The following STAU2 variants were observed in gnomAD, a reference collection of about 807,000 sequenced individuals.
STAU2 encodes staufen double-stranded RNA binding protein 2.
Under a neutral mutation model 65.9 loss-of-function variants are expected in STAU2, and 20 were observed. That is an observed-to-expected ratio of 0.30 (90% CI 0.21 to 0.44). The LOEUF (loss-of-function observed/expected upper bound fraction) is 0.44. STAU2 is among the 20% of genes least tolerant of loss of function. The probability of loss-of-function intolerance (pLI) is 1.00; values close to 1 mark genes in which losing one functional copy is unlikely to be tolerated. For synonymous variants in STAU2, 232 were observed against 233.9 expected (o/e 0.99, Z 0.07); for missense variants, 558 against 683.9 (o/e 0.82, Z 2.05).
chr8:73,713,809 T>C (rs1224170661), intron 3 of STAU2, among the ~76,000 whole-genome samples: 1 of 152,208 alleles, frequency 6.6e-6, no homozygotes, highest in Non-Finnish European at 1.5e-5. Context: ...GCCAGAACTG[T>C]TGCTACTAAG....
intron 13 of STAU2, among the ~76,000 whole-genome samples, chr8:73,487,045 CT>C (rs1419576735): frequency 2.6e-5 from 4 of 152,076 alleles, no homozygotes; most frequent in African/African-American, 9.7e-5. Flanking sequence ...TATTTCAAAA[CT>C]TCCCTTTCTC....
chr8:73,638,437 A>G (rs1047230064), intron 6 of STAU2, among the ~76,000 whole-genome samples: 14 of 151,808 alleles, frequency 9.2e-5, no homozygotes, highest in African/African-American at 3.1e-4. Flanking sequence ...TTTTTAAATC[A>G]ATTTTTTACT....
intron 14 of STAU2, among the ~76,000 whole-genome samples, chr8:73,421,807 T>C (rs1428359222): frequency 6.6e-6 from 1 of 152,224 alleles, no homozygotes; most frequent in East Asian, 1.9e-4. Flanking sequence ...GTAAGATCAG[T>C]GTATCTGGTT....
chr8:73,714,603 G>C (rs1180881201), intron 3 of STAU2, among the ~76,000 whole-genome samples: 2 of 152,034 alleles, frequency 1.3e-5, no homozygotes. Context: ...CTAAATATCT[G>C]TCATACTCCT....
intron 13 of STAU2, among the ~76,000 whole-genome samples, chr8:73,518,426 C>A (rs1360709202): frequency 6.6e-6 from 1 of 152,270 alleles, no homozygotes; most frequent in South Asian, 2.1e-4. Context: ...TATTTTAGGA[C>A]GTGCAGGCAA....
chr8:73,718,525 G>C (rs888957748), intron 3 of STAU2, among the ~76,000 whole-genome samples: 7 of 152,184 alleles, frequency 4.6e-5, no homozygotes, highest in Non-Finnish European at 8.8e-5. Context: ...TTTGATCCCA[G>C]CTGGGTATAT....
intron 3 of STAU2, among the ~76,000 whole-genome samples, chr8:73,722,512 T>C (rs1395615232): frequency 1.3e-5 from 2 of 152,218 alleles, no homozygotes; most frequent in African/African-American, 2.4e-5. Flanking sequence ...TTTAGAAACA[T>C]ATTTTTGTCA....
At chr8:73,571,194 A>C (rs1278345537) in intron 12 of STAU2, among the ~76,000 whole-genome samples, 2 of 152,246 alleles carry the variant, frequency 1.3e-5, no homozygotes, top group Non-Finnish European at 2.9e-5. Context: ...AAGAAGAGCT[A>C]ACTATCCTAA....
intron 12 of STAU2, among the ~76,000 whole-genome samples, chr8:73,561,009 C>T (rs1044576790): frequency 6.6e-6 from 1 of 151,224 alleles, no homozygotes; most frequent in Non-Finnish European, 1.5e-5. Context: ...TTTTTTAAAC[C>T]TTACACAAAT....
rs112903195 is a variant in STAU2, at chr8:73,555,603, T to TA, written c.1223-3285dup. ...CACACAATAAAAAATAATGCAACAA[T>TA]AAAAAAAAATACAAAATTTAAAACT... On this transcript the variant is annotated intron_variant, in intron 12 of 14. Coordinates refer to ENST00000524300, the MANE Select transcript of STAU2 (RefSeq NM_001164380.2). Among the ~76,000 whole-genome samples the TA allele has an allele frequency of 2.5e-4, 38 of 150,262 alleles. 1 individual carries two copies. Among genetic ancestry groups the TA allele is most frequent in the East Asian group, 5.9e-4 (3 of 5,108 alleles).
At chr8:73,556,714 G>A (rs1329505018) in intron 12 of STAU2, among the ~76,000 whole-genome samples, 1 of 152,090 alleles carries the variant, frequency 6.6e-6, no homozygotes, top group African/African-American at 2.4e-5. Flanking sequence ...CCAAGATCAC[G>A]CCACTGCACT....
chr8:73,576,306 G>C (rs1160178686), intron 12 of STAU2, among the ~76,000 whole-genome samples: 1 of 152,020 alleles, frequency 6.6e-6, no homozygotes, highest in East Asian at 1.9e-4. Flanking sequence ...AATACTTTAT[G>C]TAACAAAACA....
chr8:73,480,417 A>AG lies in STAU2; in HGVS notation c.1531-57716dup, dbSNP rs1186895863. On this transcript the variant is annotated intron_variant, in intron 13 of 14. Transcript: ENST00000524300. ...GACAGAGATAAGTAACTTTCAAGAG[A>AG]GGTGTGATAAGTACAGACATATTAA... 2.6e-5 allele frequency among the ~76,000 whole-genome samples: 4 copies of AG among 152,152 alleles called. No homozygotes were observed. The South Asian group carries it at 8.3e-4, about 32-fold the overall frequency.
chr8:73,541,403 C>T (rs1458118549), intron 13 of STAU2, among the ~76,000 whole-genome samples: 1 of 152,052 alleles, frequency 6.6e-6, no homozygotes, highest in Admixed American at 6.6e-5. Flanking sequence ...GGGATACCAC[C>T]ATGGAGAAGA....
chr8:73,650,891 T>C (rs1036958633), intron 6 of STAU2, among the ~76,000 whole-genome samples: 9 of 152,112 alleles, frequency 5.9e-5, no homozygotes, highest in African/African-American at 1.9e-4. Context: ...AAAATATATA[T>C]GTAAGGACTC....
At chr8:73,588,723 A>G (rs542265837) in intron 11 of STAU2, among the ~76,000 whole-genome samples, 5 of 152,164 alleles carry the variant, frequency 3.3e-5, no homozygotes, top group African/African-American at 1.2e-4. Flanking sequence ...AAAAAAAAAG[A>G]TAGAAAACCT....
intron 6 of STAU2, among the ~76,000 whole-genome samples, chr8:73,623,367 A>G (rs949874164): frequency 6.6e-6 from 1 of 152,174 alleles, no homozygotes; most frequent in African/African-American, 2.4e-5. Context: ...ACATATCCCA[A>G]ATAACATTAG....
rs147383124 is a variant in STAU2, at chr8:73,704,261, C to A, written c.114+4771G>T. 1.4e-4 allele frequency among the ~76,000 whole-genome samples: 22 copies of A among 152,164 alleles called. No individual in the cohort carries two copies. In the East Asian group the frequency reaches 4.2e-3, roughly 29 times the overall value. ...CTCTATTTCTCCAACAAATCAATGT[C>A]ATAGGAAAAGAGGGGATGGGGATAA... is the stretch of plus-strand genomic sequence containing the variant. On this transcript the variant is annotated intron_variant, in intron 4 of 14. Coordinates refer to ENST00000524300, the MANE Select transcript of STAU2 (RefSeq NM_001164380.2).
At chr8:73,423,308 G>A (rs1390217399) in intron 13 of STAU2, among the ~76,000 whole-genome samples, 1 of 152,202 alleles carries the variant, frequency 6.6e-6, no homozygotes, top group Admixed American at 6.5e-5. Flanking sequence ...TGATAGGCTC[G>A]GGGTGCGTGG....
Sources: gnomAD v4.1 joint callset for allele counts (sites outside exome capture counted in the v4.1 genomes callset) on GRCh38, gnomAD v4.1.1 for gene constraint, MANE v1.5 for transcripts, NCBI Gene and HGNC (gene_info 2026-07-23, HGNC 2026-07-21) for gene names.